The following PERM1 variants were observed in gnomAD, a reference collection of about 807,000 sequenced individuals.
PERM1 encodes the protein PPARGC1 and ESRR induced regulator, muscle 1, also known as PGC-1 and ERR-induced regulator in muscle protein 1.
Under a neutral mutation model 44.1 loss-of-function variants are expected in PERM1, and 45 were observed. That is an observed-to-expected ratio of 1.02 (90% CI 0.80 to 1.31). The LOEUF is 1.31. PERM1 is among the 50% of genes most tolerant of loss of function. The probability of loss-of-function intolerance (pLI) is 0.00; values close to 1 mark genes in which losing one functional copy is unlikely to be tolerated. For missense variants in PERM1, 1,189 were observed against 1,106.9 expected (o/e 1.07, Z -1.05); for synonymous variants, 565 against 477.1 (o/e 1.18, Z -2.40).
intron 1 of PERM1, 60 bp downstream of exon 2, chr1:978,821 A>G: frequency 2.2e-6 from 3 of 1,391,830 alleles, no homozygotes; most frequent in Non-Finnish European, 2.8e-6. Flanking sequence ...TGCTTGGCCA[A>G]GATCCCTGGA....
chr1:978,223 C>G (rs1643679711), intron 1 of PERM1, among the ~76,000 whole-genome samples: 1 of 147,428 alleles, frequency 6.8e-6, no homozygotes, highest in African/African-American at 2.5e-5. Context: ...CTGCCCCGCA[C>G]ACGCCCGCCC....
chr1:980,955 A>G (rs1245216286), exon 1 of PERM1: 1 of 1,460,766 alleles, frequency 6.8e-7, no homozygotes, highest in African/African-American at 1.4e-5. Flanking sequence ...GCAGGAGGCC[A>G]CACTCATCGG....
At chr1:978,905 G>C (rs759928584) in exon 1 of PERM1, 22 of 1,499,814 alleles carry the variant, frequency 1.5e-5, no homozygotes, top group Non-Finnish European at 1.9e-5. Context: ...GCCAGGTGGA[G>C]CCGCTCTACC....
At chr1:979,677 T>A (rs1643733733) in exon 1 of PERM1, 3 of 1,550,136 alleles carry the variant, frequency 1.9e-6, no homozygotes, top group Non-Finnish European at 2.6e-6. Context: ...CGGCGTCGGC[T>A]CTGGGAACAG....
exon 1 of PERM1, chr1:979,032 C>G (rs757347252): frequency 1.3e-6 from 2 of 1,539,310 alleles, no homozygotes; most frequent in Admixed American, 2.0e-5. Context: ...GCCTGTCCTC[C>G]CCGAAGAAGA....
upstream of PERM1, chr1:981,045 G>A (rs1236376446): frequency 1.9e-6 from 3 of 1,541,788 alleles, no homozygotes; most frequent in South Asian, 1.2e-5. Context: ...GTCAGCAGAG[G>A]CACTGGAGGG....
chr1:979,007 C>T, exon 1 of PERM1: 1 of 1,532,102 alleles, frequency 6.5e-7, no homozygotes, highest in South Asian at 1.2e-5. Flanking sequence ...ACAGCCGGCC[C>T]CAGCACGCCC....
At chr1:978,628 C>T (rs1010356595) in intron 1 of PERM1, among the ~76,000 whole-genome samples, 4 of 152,326 alleles carry the variant, frequency 2.6e-5, no homozygotes, top group Admixed American at 1.3e-4. Context: ...GGGGGAGGGA[C>T]GCCGCCGTCA....
chr1:981,856 A>G (rs1643798263), upstream of PERM1, among the ~76,000 whole-genome samples: 2 of 152,152 alleles, frequency 1.3e-5, no homozygotes, highest in Non-Finnish European at 2.9e-5. Flanking sequence ...CTACCCCTAG[A>G]GGGGGCCGCC....
exon 1 of PERM1, chr1:980,213 G>T: frequency 2.6e-6 from 4 of 1,550,416 alleles, no homozygotes; most frequent in Non-Finnish European, 3.5e-6. Context: ...TTGGCTCGGC[G>T]CGGGGTTCTG....
At chr1:981,864 G>A (rs943702076), upstream of PERM1, among the ~76,000 whole-genome samples, 3 of 152,258 alleles carry the variant, frequency 2.0e-5, no homozygotes, top group African/African-American at 7.2e-5. Context: ...AGAGGGGGCC[G>A]CCCTCGGCCT....
chr1:980,738 T>A (rs1643774863), exon 1 of PERM1: 1 of 1,407,326 alleles, frequency 7.1e-7, no homozygotes, highest in Non-Finnish European at 9.2e-7. Context: ...TGCTGACCGG[T>A]CCCCAGGGCC....
chr1:976,481 G>T lies in PERM1; in HGVS notation c.2275+18C>A. 1 of 1,549,448 alleles carries T rather than the reference G, an allele frequency of 6.5e-7. No individual in the cohort carries two copies. Among genetic ancestry groups the T allele is most frequent in the Non-Finnish European group, 8.7e-7 (1 of 1,146,372 alleles). ...CTGGCTTCTAGGCGCAGCTCCCTCT[G>T]CCCCCAGGCACCCAAACCTGTTTTC... On this transcript the variant is annotated intron_variant, in intron 2 of 2. Coordinates refer to ENST00000433179, the Ensembl canonical transcript of PERM1.
exon 1 of PERM1, chr1:979,492 G>C (rs780472460): frequency 6.5e-7 from 1 of 1,547,694 alleles, no homozygotes; most frequent in South Asian, 1.2e-5. Flanking sequence ...TGGCTTATTG[G>C]GGCTGGGCCC....
chr1:976,523 G>A (rs1643613398), exon 2 of PERM1: 1 of 1,549,464 alleles, frequency 6.5e-7, no homozygotes, highest in African/African-American at 1.4e-5. Context: ...TCTGGGGTAT[G>A]CGGATCTGAC....
At chr1:981,000 C>G in exon 1 of PERM1, 1 of 1,518,870 alleles carries the variant, frequency 6.6e-7, no homozygotes, top group Non-Finnish European at 8.8e-7. Context: ...CCTGGTCACT[C>G]AGCTGGACGC....
At position 979,068 on chromosome 1, in the gene PERM1, G is replaced by A. The variant is rs1237640621; in HGVS notation, c.1962C>T (p.Ile654=). ...AGTGTTCATAGACCTCAGGGATGGA[G>A]ATGGGCACGGGGTCTCCAGGTATGG... Residue 654 remains isoleucine, a synonymous_variant, in exon 1 of 3, where the codon ATC becomes ATT. Coordinates refer to ENST00000433179, the Ensembl canonical transcript of PERM1. The A allele has an allele frequency of 4.5e-6, 7 of 1,547,902 alleles. No homozygotes were observed. In the South Asian group the frequency reaches 7.2e-5, roughly 16 times the overall value.
At chr1:980,218 G>C (rs550142087) in exon 1 of PERM1, 20 of 1,550,434 alleles carry the variant, frequency 1.3e-5, no homozygotes, top group Middle Eastern at 3.3e-4. Context: ...TCGGCGCGGG[G>C]TTCTGATTTG....
At position 979,389 on chromosome 1, in the gene PERM1, C is replaced by T. The variant is rs572625775; in HGVS notation, c.1641G>A (p.Gly547=). 2.3e-3 allele frequency: 3,521 copies of T among 1,507,962 alleles called. 9 individuals carry two copies. Among genetic ancestry groups the T allele is most frequent in the Non-Finnish European group, 2.6e-3 (2,972 of 1,127,848 alleles). The allele number at this position is 1,507,962 out of a possible 1,614,324, so 93.4% of individuals were successfully genotyped here. Residue 547 remains glycine (G), a synonymous_variant, in exon 1 of 3, where the codon GGG becomes GGA. Transcript: ENST00000433179. ...GGATCCGAGGCTGGTGGGGCCGGGG[C>T]CCGACAGCCACAGCCTCCCAGGCTC...
Sources: gnomAD v4.1 joint callset for allele counts (sites outside exome capture counted in the v4.1 genomes callset) on GRCh38, gnomAD v4.1.1 for gene constraint, MANE v1.5 for transcripts, NCBI Gene and HGNC (gene_info 2026-07-23, HGNC 2026-07-21) for gene names.